Variants in HSPA4L observed in about 807,000 individuals in gnomAD.
The protein encoded by HSPA4L is heat shock protein family A (Hsp70) member 4 like, also known as heat shock 70 kDa protein 4L.
A neutral mutation model predicts 100.3 loss-of-function variants in HSPA4L; 48 were observed. The observed-to-expected ratio is 0.48, with a 90% CI of 0.38 to 0.61. The LOEUF (loss-of-function observed/expected upper bound fraction) is 0.61. Ranked by LOEUF, HSPA4L falls within the 20% of genes least tolerant of loss-of-function variation. The pLI, the probability that HSPA4L is intolerant of heterozygous loss-of-function variation, is 0.00. For missense variants in HSPA4L, 886 were observed against 988.6 expected, an observed-to-expected ratio of 0.90 and a Z score of 1.39; for synonymous variants, 319 against 328.2, an observed-to-expected ratio of 0.97 and a Z score of 0.30.
At chr4:127,800,373 CA>C (rs1463339516) in intron 4 of HSPA4L, among the ~76,000 whole-genome samples, 8 of 152,108 alleles carry the variant, frequency 5.3e-5, no homozygotes, top group Admixed American at 5.2e-4. Context: ...GGGGCTGAAG[CA>C]AAAGGATTGC....
intron 13 of HSPA4L, among the ~76,000 whole-genome samples, chr4:127,819,743 G>T (rs1733760177): frequency 6.6e-6 from 1 of 152,146 alleles, no homozygotes; most frequent in Admixed American, 6.5e-5. Flanking sequence ...ACTTATTTGT[G>T]ACTGGCTTTC....
Position 127,811,587 on chromosome 4 carries a change from C to T in HSPA4L, c.1529C>T (p.Ala510Val), listed in dbSNP as rs1331086746. ...KQNLEGDHSDAPMETETSFKN... is the reference protein window; with the variant it reads ...KQNLEGDHSDVPMETETSFKN... ...AATTTGGAAGGCGATCACAGTGATG[C>T]TCCAATGGAGACAGAAACTTCATTT... Residue 510 changes from alanine (A) to valine (V), a missense_variant, in exon 12 of 19, where the codon GCT becomes GTT. Transcript: ENST00000296464. The T allele has an allele frequency of 1.2e-6, 2 of 1,613,820 alleles. No individual in the cohort carries two copies. Among genetic ancestry groups the T allele is most frequent in the South Asian group, 1.1e-5 (1 of 91,064 alleles).
intron 1 of HSPA4L, among the ~76,000 whole-genome samples, chr4:127,792,025 T>C (rs1174971379): frequency 1.2e-4 from 18 of 152,192 alleles, no homozygotes; most frequent in Admixed American, 1.2e-3. Context: ...TTTTTAACTG[T>C]TTGCTTTCTC....
At chr4:127,787,746 T>C (rs1732757077) in intron 1 of HSPA4L, among the ~76,000 whole-genome samples, 1 of 152,132 alleles carries the variant, frequency 6.6e-6, no homozygotes, top group African/African-American at 2.4e-5. Flanking sequence ...CATATAAAAA[T>C]TCAGTGAATA....
Position 127,838,596 on chromosome 4 carries a change from C to T in HSPA4L, c.*5722C>T, listed in dbSNP as rs1734263010. 1 of 152,122 alleles carries T rather than the reference C, an allele frequency of 6.6e-6. No homozygotes were observed. The highest frequency in any genetic ancestry group is 1.5e-5 in the Non-Finnish European group (1 of 68,022). 9.4% of individuals were successfully genotyped at this position (152,122 alleles called of 1,614,324 possible). On this transcript the variant is annotated 3_prime_UTR_variant, in exon 19 of 19. Transcript: ENST00000296464. Reference sequence around the variant, plus strand: ...ATTATTAGGGAAATGTCATTGACACCTGAAAATTACCTATCCTGTAAAAAG... The same window carrying T: ...ATTATTAGGGAAATGTCATTGACACTTGAAAATTACCTATCCTGTAAAAAG...
chr4:127,808,028 C>T lies in HSPA4L; in HGVS notation c.1277C>T (p.Ala426Val). 6.2e-7 allele frequency: 1 copy of T among 1,612,448 alleles called. No individual in the cohort carries two copies. Among genetic ancestry groups the T allele is most frequent in the Non-Finnish European group, 8.5e-7 (1 of 1,179,170 alleles). The change falls in exon 11 of 19, where the codon GCC (alanine) becomes GTC (valine). Residue 426 changes from alanine (A) to valine (V), a missense_variant. By Grantham distance (64) the Ala-to-Val change is moderately conservative (BLOSUM62 0). Transcript: ENST00000296464. ...GAAGTTTTCTGTAAGAACCATCCTG[C>T]CCCATTCTCAAAAGTCATTACTTTC... is the stretch of plus-strand genomic sequence containing the variant. The part of the protein sequence containing the change: ...ECEVFCKNHP[A>V]PFSKVITFHK...
rs758185945 is a variant in HSPA4L, at chr4:127,798,653, C to T, written c.373C>T (p.Leu125Phe). Reference sequence around the variant, plus strand: ...AGTTACTGGAATGCTGTTAGCCAAGCTTAAAGAGACTTCAGAAAATGCTTT... The same window carrying T: ...AGTTACTGGAATGCTGTTAGCCAAGTTTAAAGAGACTTCAGAAAATGCTTT... ...EQVTGMLLAK[L>F]KETSENALKK... The change falls in exon 4 of 19, where the codon CTT (leucine) becomes TTT (phenylalanine). Residue 125 changes from leucine to phenylalanine, a missense_variant. Physicochemically the swap from Leu to Phe is conservative, Grantham distance 22. Transcript: ENST00000296464. 9.9e-6 allele frequency: 16 copies of T among 1,613,514 alleles called. No homozygotes were observed. In the African/African-American group the frequency reaches 2.0e-4, roughly 20 times the overall value.
intron 1 of HSPA4L, among the ~76,000 whole-genome samples, chr4:127,786,166 TACTA>T (rs538645201): frequency 4.1e-4 from 42 of 101,220 alleles, no homozygotes; most frequent in Middle Eastern, 5.7e-3. Context: ...AGTTTGATCA[TACTA>T]ACTATCTTTT....
chr4:127,819,628 G>A (rs561413839), intron 13 of HSPA4L, among the ~76,000 whole-genome samples: 1 of 152,120 alleles, frequency 6.6e-6, no homozygotes, highest in African/African-American at 2.4e-5. Context: ...ATCTATTAGC[G>A]GTGACTTCCC....
chr4:127,793,329 AT>A (rs1174786067), intron 1 of HSPA4L, among the ~76,000 whole-genome samples: 1 of 151,810 alleles, frequency 6.6e-6, no homozygotes, highest in Non-Finnish European at 1.5e-5. Flanking sequence ...TATTCTATTG[AT>A]TTTTTTTCAA....
chr4:127,785,117 T>C (rs1371309508), intron 1 of HSPA4L, among the ~76,000 whole-genome samples: 1 of 152,238 alleles, frequency 6.6e-6, no homozygotes, highest in Non-Finnish European at 1.5e-5. Context: ...TTTTGGCCTA[T>C]AATTAAGGGA....
chr4:127,829,577 C>T (rs557387056), intron 17 of HSPA4L, among the ~76,000 whole-genome samples: 1 of 151,982 alleles, frequency 6.6e-6, no homozygotes, highest in African/African-American at 2.4e-5. Context: ...GTAAATCTAT[C>T]ACAAAGAAGC....
chr4:127,835,114 C>T lies in HSPA4L; in HGVS notation c.*2240C>T, dbSNP rs1405580388. The T allele has an allele frequency of 6.6e-6, 1 of 152,052 alleles. No homozygotes were observed. The highest frequency in any genetic ancestry group is 2.1e-4 in the South Asian group (1 of 4,830). 9.4% of individuals were successfully genotyped at this position (152,052 alleles called of 1,614,324 possible). On this transcript the variant is annotated 3_prime_UTR_variant, in exon 19 of 19. Coordinates refer to ENST00000296464, the MANE Select transcript of HSPA4L (RefSeq NM_014278.4). Reference sequence around the variant, plus strand: ...CAGTCTAATTCAGTCCAATTTTAATCTGCATTAAAATATGCAATGCTAGAC... The same window carrying T: ...CAGTCTAATTCAGTCCAATTTTAATTTGCATTAAAATATGCAATGCTAGAC...
Position 127,836,704 on chromosome 4 carries a change from T to C in HSPA4L, c.*3830T>C, listed in dbSNP as rs1037526407. ...ATTAAAGGTAGTAGACATTTGAATA[T>C]AGTAATCAAATTAACTGATTTTGTT... On this transcript the variant is annotated 3_prime_UTR_variant, in exon 19 of 19. Coordinates refer to ENST00000296464, the MANE Select transcript of HSPA4L (RefSeq NM_014278.4). 7.2e-5 allele frequency: 11 copies of C among 152,110 alleles called. No individual in the cohort carries two copies. Among genetic ancestry groups the C allele is most frequent in the Non-Finnish European group, 1.0e-4 (7 of 68,028 alleles). The allele number at this position is 152,110 out of a possible 1,614,324, so 9.4% of individuals were successfully genotyped here. A position where few individuals can be genotyped will look rare whatever the true frequency, so the allele number is the denominator to read the frequency against.
At position 127,838,708 on chromosome 4, in the gene HSPA4L, T is replaced by C. The variant is rs1245253742; in HGVS notation, c.*5834T>C. 6.6e-6 allele frequency: 1 copy of C among 152,214 alleles called. No homozygotes were observed. The highest frequency in any genetic ancestry group is 1.5e-5 in the Non-Finnish European group (1 of 68,032). The allele number at this position is 152,214 out of a possible 1,614,324, so 9.4% of individuals were successfully genotyped here. A position where few individuals can be genotyped will look rare whatever the true frequency, so the allele number is the denominator to read the frequency against. ...GAAAATGATCTTTGTCTTTCCTTTA[T>C]CTTGCTTTATCCTCTTATCCAATTC... On this transcript the variant is annotated 3_prime_UTR_variant, in exon 19 of 19. Transcript: ENST00000296464.
intron 12 of HSPA4L, among the ~76,000 whole-genome samples, chr4:127,816,248 G>A (rs1253172768): frequency 6.6e-6 from 1 of 152,148 alleles, no homozygotes; most frequent in Non-Finnish European, 1.5e-5. Flanking sequence ...AAATCTATCA[G>A]TGAAGTCAGA....
intron 4 of HSPA4L, among the ~76,000 whole-genome samples, chr4:127,799,631 G>C (rs1733118892): frequency 6.6e-6 from 1 of 152,184 alleles, no homozygotes; most frequent in African/African-American, 2.4e-5. Flanking sequence ...AAATTTTAAA[G>C]ATTCGTCTTA....
chr4:127,793,946 C>A (rs1330410908), intron 1 of HSPA4L, 131 bp from the exon 2 acceptor site: 3 of 537,572 alleles, frequency 5.6e-6, no homozygotes, highest in Non-Finnish European at 9.6e-6. Flanking sequence ...TTTTGATTTG[C>A]ATAACCTATT....
At chr4:127,816,774 T>C (rs1733680144) in intron 12 of HSPA4L, among the ~76,000 whole-genome samples, 1 of 152,212 alleles carries the variant, frequency 6.6e-6, no homozygotes, top group Non-Finnish European at 1.5e-5. Flanking sequence ...GATTAAGTGA[T>C]TCAGAAGAGT....
Sources: gnomAD v4.1 joint callset for allele counts (sites outside exome capture counted in the v4.1 genomes callset) on GRCh38, gnomAD v4.1.1 for gene constraint, MANE v1.5 for transcripts, NCBI Gene and HGNC (gene_info 2026-07-23, HGNC 2026-07-21) for gene names.